The following COMMD5 variants were observed in gnomAD, a reference collection of about 807,000 sequenced individuals.
COMMD5 encodes the protein COMM domain-containing protein 5.
COMMD5 carries 10 observed loss-of-function variants against 6.9 expected under a neutral mutation model. The ratio of observed to expected loss-of-function variants is 1.44; its 90% CI spans 0.89 to 2.45. The LOEUF is 2.45. COMMD5 is among the 30% of genes most tolerant of loss of function. The probability of loss-of-function intolerance (pLI) is 0.00; values close to 1 mark genes in which losing one functional copy is unlikely to be tolerated. For missense variants in COMMD5, 234 were observed against 287.8 expected (o/e 0.81, Z 1.35); for synonymous variants, 127 against 125.3 (o/e 1.01, Z -0.09).
chr8:144,842,657 G>T, intron 1 of COMMD5: 2 of 1,614,186 alleles, frequency 1.2e-6, no homozygotes, highest in Middle Eastern at 1.6e-4. Context: ...TACCATCAGA[G>T]AATCCATAAA....
downstream of COMMD5, chr8:144,846,035 G>A (rs1830495556): frequency 2.0e-6 from 3 of 1,536,536 alleles, no homozygotes; most frequent in Non-Finnish European, 2.6e-6. Flanking sequence ...TGCACCGCCT[G>A]CAACTCCTGT....
exon 2 of COMMD5, chr8:144,841,651 C>T (rs1038207528): frequency 1.2e-6 from 2 of 1,614,194 alleles, no homozygotes; most frequent in Non-Finnish European, 1.7e-6. Context: ...CCTGGATTGT[C>T]AGCCTCTTGA....
chr8:144,852,169 G>GGGGGAGGGA, intron 1 of COMMD5, among the ~76,000 whole-genome samples: 1 of 132,472 alleles, frequency 7.5e-6, no homozygotes, highest in East Asian at 2.6e-4. Flanking sequence ...ATGGAGGGAG[G>GGGGGAGGGA]GGGGAGGGAG....
intron 1 of COMMD5, 126 bp from the exon 2 acceptor site, chr8:144,851,521 G>A (rs1285725553): frequency 1.4e-5 from 10 of 702,604 alleles, no homozygotes; most frequent in East Asian, 2.8e-5. Context: ...TCAGTGCTGC[G>A]GAGATGGCCC....
At chr8:144,852,788 G>A (rs1029565663) in intron 1 of COMMD5, 51 bp downstream of exon 1, 60 of 152,342 alleles carry the variant, frequency 3.9e-4, no homozygotes, top group African/African-American at 1.4e-3. Flanking sequence ...GGTGCACAGA[G>A]TCAAATTGGC....
At chr8:144,851,557 T>G (rs1394887536) in intron 1 of COMMD5, among the ~76,000 whole-genome samples, 162 bp from the exon 2 acceptor site, 1 of 151,960 alleles carries the variant, frequency 6.6e-6, no homozygotes, top group Non-Finnish European at 1.5e-5. Flanking sequence ...GAGGGGTCCA[T>G]GTCAGTCCCA....
At chr8:144,842,176 A>G in intron 1 of COMMD5, 1 of 1,614,130 alleles carries the variant, frequency 6.2e-7, no homozygotes, top group Non-Finnish European at 8.5e-7. Flanking sequence ...GAGAACTCAC[A>G]CTGGGGAGAG....
chr8:144,852,217 T>C (rs1462522405), intron 1 of COMMD5, among the ~76,000 whole-genome samples: 1 of 151,750 alleles, frequency 6.6e-6, no homozygotes, highest in Non-Finnish European at 1.5e-5. Flanking sequence ...TAAAAAGAAA[T>C]CAAAGCTCTA....
chr8:144,840,482 CGTG>C (rs1469357114), downstream of COMMD5, among the ~76,000 whole-genome samples: 9 of 152,114 alleles, frequency 5.9e-5, no homozygotes, highest in Admixed American at 2.6e-4. Context: ...GTGATTGTGT[CGTG>C]GTGGGGACCG....
Position 144,851,392 on chromosome 8 carries a change from A to C in COMMD5, c.-54T>G. On this transcript the variant is annotated 5_prime_UTR_variant, in exon 2 of 2. Coordinates refer to ENST00000305103, the MANE Select transcript of COMMD5 (RefSeq NM_014066.4). ...CCCAGGAGGTCGGTCCCAGATGCAGATGCCTAGAGTGGGGTGGAGGAGAGA... is the reference window on the plus strand; with the variant it reads ...CCCAGGAGGTCGGTCCCAGATGCAGCTGCCTAGAGTGGGGTGGAGGAGAGA... The C allele has an allele frequency of 6.4e-7, 1 of 1,556,524 alleles. No homozygotes were observed. Among genetic ancestry groups the C allele is most frequent in the Non-Finnish European group, 8.7e-7 (1 of 1,146,456 alleles).
At chr8:144,838,329 G>A (rs566700446), downstream of COMMD5, 1 of 575,712 alleles carries the variant, frequency 1.7e-6, no homozygotes. Context: ...CACATTCTGA[G>A]GTGCTTCAAG....
At chr8:144,839,066 G>A (rs1277207442), downstream of COMMD5, among the ~76,000 whole-genome samples, 3 of 53,378 alleles carry the variant, frequency 5.6e-5, no homozygotes, top group East Asian at 6.7e-4. Flanking sequence ...ATTCATATGC[G>A]CCTAGGGGCT....
intron 1 of COMMD5, chr8:144,842,888 C>T (rs765315671): frequency 5.0e-6 from 8 of 1,614,088 alleles, no homozygotes; most frequent in South Asian, 3.3e-5. Flanking sequence ...AGCCGGAGCT[C>T]ATATCTTATT....
In COMMD5 at chr8:144,850,969, C is replaced by A; in HGVS notation, c.370G>T (p.Gly124Trp). The change falls in exon 2 of 2, where the codon GGG becomes TGG. Residue 124 changes from glycine (G) to tryptophan (W), a missense_variant. Physicochemically the swap from Gly to Trp is radical, Grantham distance 184. Coordinates refer to ENST00000305103, the MANE Select transcript of COMMD5 (RefSeq NM_014066.4). The surrounding 1 kb of genome is among the most constrained non-coding windows in gnomAD (Gnocchi z 4.0). ...QELCIPQDLV[G>W]DLASVVFGSQ... ...CCAAATACCACGCTGGCCAAGTCCC[C>A]GACCAGGTCTTGGGGGATGCAGAGC... 1 of 1,610,868 alleles carries A rather than the reference C, an allele frequency of 6.2e-7. No individual in the cohort carries two copies. The highest frequency in any genetic ancestry group is 8.5e-7 in the Non-Finnish European group (1 of 1,179,104).
chr8:144,839,514 G>A (rs1829574805), downstream of COMMD5, among the ~76,000 whole-genome samples: 1 of 152,248 alleles, frequency 6.6e-6, no homozygotes, highest in Non-Finnish European at 1.5e-5. Context: ...TGGCAGAAAA[G>A]CCAGCTACAG....
At chr8:144,846,011 C>G, downstream of COMMD5, 1 of 1,536,534 alleles carries the variant, frequency 6.5e-7, no homozygotes, top group Non-Finnish European at 8.7e-7. Context: ...GGGACAAGAG[C>G]CAAGGCACCC....
chr8:144,841,874 G>A (rs759431598), intron 1 of COMMD5: 2 of 1,613,966 alleles, frequency 1.2e-6, no homozygotes, highest in Non-Finnish European at 1.7e-6. Context: ...GCAGAGTGTG[G>A]GAAAGTCTTC....
At chr8:144,842,811 T>C in intron 1 of COMMD5, 1 of 1,614,206 alleles carries the variant, frequency 6.2e-7, no homozygotes, top group Non-Finnish European at 8.5e-7. Flanking sequence ...ACTCAACCCT[T>C]TTCCAACACC....
chr8:144,838,332 G>T (rs2130638675), downstream of COMMD5: 1 of 572,276 alleles, frequency 1.7e-6, no homozygotes, highest in South Asian at 2.2e-5. Context: ...ATTCTGAGGT[G>T]CTTCAAGTTA....
Sources: gnomAD v4.1 joint callset for allele counts (sites outside exome capture counted in the v4.1 genomes callset) on GRCh38, gnomAD v4.1.1 for gene constraint, Gnocchi (gnomAD v3.1) non-coding constraint, MANE v1.5 for transcripts, NCBI Gene and HGNC (gene_info 2026-07-23, HGNC 2026-07-21) for gene names.